MAGI2: variants seen among roughly 807,000 people sequenced by gnomAD.
MAGI2 encodes the protein membrane-associated guanylate kinase, WW and PDZ domain-containing protein 2.
A neutral mutation model predicts 133.3 loss-of-function variants in MAGI2; 35 were observed. That is an observed-to-expected ratio of 0.26 (90% CI 0.20 to 0.35). MAGI2 has a LOEUF of 0.35. Ranked by LOEUF, MAGI2 falls within the 10% of genes least tolerant of loss-of-function variation. MAGI2 has a pLI of 1.00. For synonymous variants in MAGI2, 729 were observed against 710.6 expected, an observed-to-expected ratio of 1.03 and a Z score of -0.41; for missense variants, 1,636 against 1,863.4, an observed-to-expected ratio of 0.88 and a Z score of 2.25.
intron 21 of MAGI2, among the ~76,000 whole-genome samples, chr7:78,070,614 ATATGTGTG>A: frequency 7.8e-6 from 1 of 128,390 alleles, no homozygotes; most frequent in African/African-American, 2.9e-5. Context: ...GTGTATATAT[ATATGTGTG>A]TGTGTGTGTA....
At chr7:79,329,777 G>A (rs1166005363) in intron 1 of MAGI2, among the ~76,000 whole-genome samples, 1 of 152,174 alleles carries the variant, frequency 6.6e-6, no homozygotes, top group East Asian at 1.9e-4. Context: ...GGTAAATGGA[G>A]GAGCACTATA....
chr7:79,365,815 G>T (rs560727311), intron 1 of MAGI2, among the ~76,000 whole-genome samples: 2 of 141,104 alleles, frequency 1.4e-5, no homozygotes, highest in East Asian at 2.2e-4. Flanking sequence ...AGCCAAGATC[G>T]GGCCGCTGCA....
intron 2 of MAGI2, among the ~76,000 whole-genome samples, chr7:78,664,329 T>A (rs564455512): frequency 3.3e-5 from 5 of 152,280 alleles, no homozygotes; most frequent in African/African-American, 1.2e-4. Flanking sequence ...TTTTTCCCTA[T>A]TTCTTTTTTG....
At chr7:78,034,740 C>A (rs1182655805) in intron 21 of MAGI2, among the ~76,000 whole-genome samples, 2 of 152,258 alleles carry the variant, frequency 1.3e-5, no homozygotes, top group Non-Finnish European at 1.5e-5. Flanking sequence ...GTTGGCCAGG[C>A]TGGTCTTGAA....
chr7:79,375,051 C>T (rs1843294486), intron 1 of MAGI2, among the ~76,000 whole-genome samples: 1 of 151,960 alleles, frequency 6.6e-6, no homozygotes, highest in Non-Finnish European at 1.5e-5. Flanking sequence ...ATCCCAAACT[C>T]ACCTCTCTTT....
intron 2 of MAGI2, among the ~76,000 whole-genome samples, chr7:78,998,395 T>C (rs1214639101): frequency 1.3e-5 from 2 of 152,048 alleles, no homozygotes; most frequent in Admixed American, 6.6e-5. Flanking sequence ...GAAAGAGCCA[T>C]TAGAGTTCAT....
At chr7:78,828,382 T>G (rs1454102952) in intron 2 of MAGI2, among the ~76,000 whole-genome samples, 1 of 152,188 alleles carries the variant, frequency 6.6e-6, no homozygotes, top group African/African-American at 2.4e-5. Context: ...AATGATGTTT[T>G]ACTTCTATGG....
At chr7:79,427,589 G>T (rs1358061639) in intron 1 of MAGI2, among the ~76,000 whole-genome samples, 1 of 152,098 alleles carries the variant, frequency 6.6e-6, no homozygotes, top group Non-Finnish European at 1.5e-5. Context: ...CTTGGTTGAG[G>T]AAGGGAGAGA....
chr7:78,233,636 C>T (rs1048868163), intron 10 of MAGI2, among the ~76,000 whole-genome samples: 1 of 151,962 alleles, frequency 6.6e-6, no homozygotes, highest in Admixed American at 6.6e-5. Context: ...GAGGGGAAAG[C>T]AGAATCAAGA....
chr7:79,163,332 T>A (rs555556048), intron 1 of MAGI2, among the ~76,000 whole-genome samples: 355 of 152,060 alleles, frequency 2.3e-3, no homozygotes, highest in African/African-American at 8.2e-3. Context: ...CCTGCCACCA[T>A]TCCTGGCTAA....
At chr7:78,677,180 G>C (rs556535506) in intron 2 of MAGI2, among the ~76,000 whole-genome samples, 2 of 152,104 alleles carry the variant, frequency 1.3e-5, no homozygotes, top group South Asian at 4.1e-4. Context: ...ATTATTTGCA[G>C]TTACATAGTA....
At chr7:79,442,451 AGTGTGTGTGTGTGT>A (rs3028947) in intron 1 of MAGI2, among the ~76,000 whole-genome samples, 2 of 145,136 alleles carry the variant, frequency 1.4e-5, no homozygotes, top group African/African-American at 5.1e-5. Flanking sequence ...GTGTTTGAAG[AGTGTGTGTGTGTGT>A]GTGTGTGTGT....
chr7:79,041,269 G>T (rs963519915), intron 1 of MAGI2, among the ~76,000 whole-genome samples: 1 of 151,996 alleles, frequency 6.6e-6, no homozygotes, highest in Non-Finnish European at 1.5e-5. Context: ...AAGAAGTTTT[G>T]CATTAAATAA....
At chr7:78,634,507 C>T (rs1380659166) in intron 2 of MAGI2, among the ~76,000 whole-genome samples, 1 of 152,124 alleles carries the variant, frequency 6.6e-6, no homozygotes. Flanking sequence ...TCTGTGAACA[C>T]CTCTTTGGAA....
At chr7:78,900,893 T>A (rs909374114) in intron 2 of MAGI2, among the ~76,000 whole-genome samples, 1 of 151,784 alleles carries the variant, frequency 6.6e-6, no homozygotes, top group African/African-American at 2.4e-5. Flanking sequence ...TCAAGATGAG[T>A]TGCCTACAAG....
chr7:79,200,269 TTACATGCAACAA>T (rs1828474000), intron 1 of MAGI2, among the ~76,000 whole-genome samples: 1 of 151,964 alleles, frequency 6.6e-6, no homozygotes, highest in African/African-American at 2.4e-5. Flanking sequence ...GCTAACTTTC[TTACATGCAACAA>T]AAAGTTGCTG....
intron 1 of MAGI2, among the ~76,000 whole-genome samples, chr7:79,304,035 G>C (rs1286505218): frequency 6.6e-6 from 1 of 152,140 alleles, no homozygotes; most frequent in African/African-American, 2.4e-5. Flanking sequence ...AGGAGGCTGA[G>C]AGAGGGACAG....
At chr7:78,579,623 C>T (rs773822428) in intron 3 of MAGI2, among the ~76,000 whole-genome samples, 4 of 152,158 alleles carry the variant, frequency 2.6e-5, no homozygotes, top group Non-Finnish European at 4.4e-5. Flanking sequence ...TCACAAGTTG[C>T]TTCCCCTAGA....
chr7:78,907,616 C>G (rs1308785213), intron 2 of MAGI2, among the ~76,000 whole-genome samples: 1 of 152,158 alleles, frequency 6.6e-6, no homozygotes, highest in Non-Finnish European at 1.5e-5. Flanking sequence ...AAATAAAGCT[C>G]AGTTCTGCTA....
Sources: gnomAD v4.1 joint callset for allele counts (sites outside exome capture counted in the v4.1 genomes callset) on GRCh38, gnomAD v4.1.1 for gene constraint, MANE v1.5 for transcripts, NCBI Gene and HGNC (gene_info 2026-07-23, HGNC 2026-07-21) for gene names.